The following C4orf50 variants were observed in gnomAD, a reference collection of about 807,000 sequenced individuals.
The protein encoded by C4orf50 is chromosome 4 open reading frame 50, also known as uncharacterized protein C4orf50.
A neutral mutation model predicts 77.2 loss-of-function variants in C4orf50; 80 were observed. That is an observed-to-expected ratio of 1.04 (90% CI 0.87 to 1.25). C4orf50 has a LOEUF of 1.25. Among genes scored for constraint, C4orf50 ranks in the 50% most tolerant of loss-of-function variants. The pLI is 0.00. For synonymous variants in C4orf50, 532 were observed against 465.3 expected (o/e 1.14, Z -1.84); for missense variants, 1,257 against 1,152.9 (o/e 1.09, Z -1.31).
At chr4:5,987,540 G>T (rs1720943363) in intron 28 of C4orf50, among the ~76,000 whole-genome samples, 2 of 151,418 alleles carry the variant, frequency 1.3e-5, no homozygotes, top group South Asian at 2.1e-4. Context: ...TAACATTGTT[G>T]GGGGTGGGGA....
chr4:5,949,233 A>G (rs1220002210), intron 7 of C4orf50, among the ~76,000 whole-genome samples: 1 of 152,186 alleles, frequency 6.6e-6, no homozygotes, highest in African/African-American at 2.4e-5. Flanking sequence ...TGTTGCAAGA[A>G]AATAAAAAGA....
chr4:5,919,716 G>A lies in C4orf50; in HGVS notation c.*2475-21528C>T, dbSNP rs974874697. On this transcript the variant is annotated intron_variant, in intron 7 of 7. Transcript: ENST00000324058. This position sits in a 1 kb window ranked among gnomAD's most constrained non-coding sequence, Gnocchi z 6.5. The stretch of plus-strand genomic sequence containing the variant: ...TGCAAATAAGAATTGGTGCCTACTG[G>A]GCCCTGGAGGGACCACACCAGCTGA... Among the ~76,000 whole-genome samples, 6 of 152,216 alleles carry A rather than the reference G, an allele frequency of 3.9e-5. No homozygotes were observed. The highest frequency in any genetic ancestry group is 1.4e-4 in the African/African-American group (6 of 41,544).
In C4orf50 at chr4:5,964,767, C is replaced by CA. The variant is rs71171498; in HGVS notation, c.4275+256dup. On this transcript the variant is annotated intron_variant, in intron 33 of 33. Coordinates refer to ENST00000531445, the Ensembl canonical transcript of C4orf50. Reference sequence around the variant, plus strand: ...TGGGTAACAGAGCAAGACTCTGTCTCAAAAAAAAAAAAAAAAAAAAAAATG... The same window carrying CA: ...TGGGTAACAGAGCAAGACTCTGTCTCAAAAAAAAAAAAAAAAAAAAAAAATG... Among the ~76,000 whole-genome samples the CA allele has an allele frequency of 2.9e-3, 314 of 107,924 alleles. 22 individuals are homozygous for CA. The highest frequency in any genetic ancestry group is 9.8e-3 in the African/African-American group (268 of 27,258). The allele number at this position is 107,924 out of a possible 152,430, so 70.8% of individuals were successfully genotyped here.
intron 25 of C4orf50, among the ~76,000 whole-genome samples, chr4:5,995,799 C>A (rs1438000757): frequency 6.6e-6 from 1 of 152,208 alleles, no homozygotes; most frequent in Non-Finnish European, 1.5e-5. Context: ...CGAGTGCATT[C>A]ATTCAGAAAA....
chr4:5,897,959 C>G (rs542941618), exon 8 of C4orf50: 22 of 152,314 alleles, frequency 1.4e-4, no homozygotes, highest in Admixed American at 3.9e-4. Context: ...CGGGGAGGGG[C>G]AGGACTTGGC....
intron 28 of C4orf50, among the ~76,000 whole-genome samples, chr4:5,986,181 A>G (rs1011273610): frequency 1.3e-5 from 2 of 152,288 alleles, no homozygotes; most frequent in African/African-American, 4.8e-5. Flanking sequence ...ATATACAACA[A>G]TCAAACAATG....
At chr4:5,989,702 C>T (rs16838009) in exon 28 of C4orf50, 72,346 of 1,536,086 alleles carry the variant, frequency 0.047, 2,040 homozygotes, top group South Asian at 0.087. Flanking sequence ...TCAGTGGGTT[C>T]GGCCCCTTCA....
chr4:5,994,901 G>A (rs968988900), intron 25 of C4orf50, among the ~76,000 whole-genome samples: 4 of 152,120 alleles, frequency 2.6e-5, no homozygotes, highest in African/African-American at 9.7e-5. Context: ...GGTCAGCAAC[G>A]GCATTTGATT....
At chr4:6,016,957 C>T (rs1174441414) in intron 23 of C4orf50, among the ~76,000 whole-genome samples, 2 of 152,166 alleles carry the variant, frequency 1.3e-5, no homozygotes, top group African/African-American at 2.4e-5. Context: ...AGAATCAATC[C>T]CCGCTGTCAC....
intron 7 of C4orf50, among the ~76,000 whole-genome samples, chr4:5,943,204 C>T (rs912815891): frequency 9.2e-5 from 14 of 152,162 alleles, no homozygotes; most frequent in Admixed American, 4.6e-4. Context: ...GCTACGTGTC[C>T]GTTAGGCACC....
chr4:5,947,111 A>G (rs1037508787), intron 7 of C4orf50, among the ~76,000 whole-genome samples: 1 of 152,192 alleles, frequency 6.6e-6, no homozygotes, highest in Non-Finnish European at 1.5e-5. Context: ...GAATATTCTG[A>G]ACAGTAATGT....
chr4:5,984,723 G>A (rs1367681642), intron 28 of C4orf50, among the ~76,000 whole-genome samples: 1 of 151,698 alleles, frequency 6.6e-6, no homozygotes, highest in Non-Finnish European at 1.5e-5. Context: ...GTGAAATAAA[G>A]CCAAAAAGTC....
At chr4:5,962,619 G>A (rs1015067153) in intron 33 of C4orf50, among the ~76,000 whole-genome samples, 3 of 152,166 alleles carry the variant, frequency 2.0e-5, no homozygotes, top group African/African-American at 4.8e-5. Flanking sequence ...GCCACATAAT[G>A]ATCAGAGGGC....
rs568324563 is a variant in C4orf50 at position 6,003,324 on chromosome 4, A to G, written c.963+4672T>C. Among the ~76,000 whole-genome samples the G allele has an allele frequency of 3.3e-5, 5 of 152,330 alleles. No individual in the cohort carries two copies. The East Asian group carries it at 7.7e-4, about 23-fold the overall frequency. On this transcript the variant is annotated intron_variant, in intron 25 of 33. Coordinates refer to ENST00000531445, the Ensembl canonical transcript of C4orf50. ...GATAAGCCCTCAGGAAAAATAAATA[A>G]AAAGTCAAGAGAGAGAAAATTACAG...
At chr4:5,967,451 G>A in exon 32 of C4orf50, 2 of 1,614,030 alleles carry the variant, frequency 1.2e-6, no homozygotes, top group South Asian at 1.1e-5. Context: ...TGACGTCCAG[G>A]TGGTGGCTTG....
At chr4:5,902,096 G>C (rs1716364384) in intron 7 of C4orf50, 1 of 152,226 alleles carries the variant, frequency 6.6e-6, no homozygotes, top group Non-Finnish European at 1.5e-5. Context: ...CCTTGAATGA[G>C]TGAATGAAAC....
chr4:5,963,608 T>C (rs1719391936), intron 33 of C4orf50, among the ~76,000 whole-genome samples: 1 of 152,174 alleles, frequency 6.6e-6, no homozygotes, highest in Non-Finnish European at 1.5e-5. Flanking sequence ...TTAATGTAAT[T>C]ATTGAGACAG....
chr4:6,001,103 C>A (rs7657266), intron 25 of C4orf50, among the ~76,000 whole-genome samples: 29,512 of 152,138 alleles, frequency 0.19, 3,210 homozygotes, highest in African/African-American at 0.28. Flanking sequence ...TTTTCAAGGG[C>A]CATGGTTTTA....
intron 7 of C4orf50, among the ~76,000 whole-genome samples, chr4:5,927,594 G>T (rs116603965): frequency 6.6e-6 from 1 of 151,762 alleles, no homozygotes; most frequent in Admixed American, 6.6e-5. Flanking sequence ...GAGATCTGAT[G>T]GTTTGAAAGT....
Sources: gnomAD v4.1 joint callset for allele counts (sites outside exome capture counted in the v4.1 genomes callset) on GRCh38, gnomAD v4.1.1 for gene constraint, Gnocchi (gnomAD v3.1) non-coding constraint, MANE v1.5 for transcripts, NCBI Gene and HGNC (gene_info 2026-07-23, HGNC 2026-07-21) for gene names.